The following GRID2 variants were observed in gnomAD, a reference collection of about 807,000 sequenced individuals.
GRID2 encodes the protein glutamate ionotropic receptor delta type subunit 2.
Under a neutral mutation model 114.8 loss-of-function variants are expected in GRID2, and 33 were observed. The ratio of observed to expected loss-of-function variants is 0.29; its 90% CI spans 0.22 to 0.38. The LOEUF (loss-of-function observed/expected upper bound fraction) is 0.38, where lower values mean the gene tolerates loss of function less well. Ranked by LOEUF, GRID2 falls within the 10% of genes least tolerant of loss-of-function variation. The pLI is 1.00. For missense variants in GRID2, 1,184 were observed against 1,257.7 expected, an observed-to-expected ratio of 0.94 and a Z score of 0.89; for synonymous variants, 505 against 449.9, an observed-to-expected ratio of 1.12 and a Z score of -1.55.
In GRID2 at chr4:93,643,960, G is replaced by GCGAGATTC. The variant is rs1721854775; in HGVS notation, c.2360+17528_2360+17535dup. Among the ~76,000 whole-genome samples the GCGAGATTC allele has an allele frequency of 1.9e-5, 2 of 102,872 alleles. 1 individual carries two copies. The highest frequency in any genetic ancestry group is 3.8e-5 in the Non-Finnish European group (2 of 52,256). The allele number at this position is 102,872 out of a possible 152,430, so 67.5% of individuals were successfully genotyped here. A position where few individuals can be genotyped will look rare whatever the true frequency, so the allele number is the denominator to read the frequency against. ...TCTCAGACTGCTGTGCTAGCAATCC[G>GCGAGATTC]CGAGATTCCGTGGGCGTAGGACCCT... On this transcript the variant is annotated intron_variant, in intron 14 of 15. Transcript: ENST00000282020.
intron 2 of GRID2, among the ~76,000 whole-genome samples, chr4:93,042,661 A>G (rs777205531): frequency 7.0e-6 from 1 of 142,196 alleles, no homozygotes; most frequent in African/African-American, 2.6e-5. Context: ...CTATATTTCT[A>G]TCTCTCTCTC....
intron 4 of GRID2, among the ~76,000 whole-genome samples, chr4:93,156,757 T>G (rs768636479): frequency 6.6e-6 from 1 of 151,778 alleles, no homozygotes; most frequent in Non-Finnish European, 1.5e-5. Flanking sequence ...GTTGAATGTA[T>G]GAACTTAGAG....
intron 4 of GRID2, among the ~76,000 whole-genome samples, chr4:93,162,670 A>T (rs1251564985): frequency 1.3e-5 from 2 of 152,124 alleles, no homozygotes; most frequent in African/African-American, 2.4e-5. Context: ...TCTGTTACAT[A>T]CATTTTACAT....
At position 92,320,232 on chromosome 4, in the gene GRID2, T is replaced by G. The variant is rs550278912; in HGVS notation, c.88+15488T>G. On this transcript the variant is annotated intron_variant, in intron 1 of 15. Transcript: ENST00000282020. Reference sequence around the variant, plus strand: ...TGGAGAAAATAAAGATTATTTTTCATAGTGGTCAATTCTATTTTGACCTAA... The same window carrying G: ...TGGAGAAAATAAAGATTATTTTTCAGAGTGGTCAATTCTATTTTGACCTAA... 1.3e-5 allele frequency among the ~76,000 whole-genome samples: 2 copies of G among 152,198 alleles called. 1 individual carries two copies. Among genetic ancestry groups the G allele is most frequent in the Non-Finnish European group, 2.9e-5 (2 of 68,024 alleles).
At chr4:92,970,646 A>G (rs1008461596) in intron 2 of GRID2, among the ~76,000 whole-genome samples, 3 of 151,938 alleles carry the variant, frequency 2.0e-5, no homozygotes, top group African/African-American at 7.2e-5. Context: ...CTTTCGTGTT[A>G]GTCTTTAGAA....
intron 11 of GRID2, among the ~76,000 whole-genome samples, chr4:93,464,671 AT>A (rs1472116564): frequency 7.2e-5 from 11 of 152,188 alleles, no homozygotes; most frequent in African/African-American, 1.2e-4. Flanking sequence ...AGTGAACTAC[AT>A]TTTTATGGCA....
chr4:93,750,312 T>C (rs191925678), intron 14 of GRID2, among the ~76,000 whole-genome samples: 1 of 152,304 alleles, frequency 6.6e-6, no homozygotes, highest in East Asian at 1.9e-4. Context: ...AGAATCCCCT[T>C]GGGAAAGTGC....
intron 8 of GRID2, among the ~76,000 whole-genome samples, chr4:93,326,155 G>T (rs1175908657): frequency 6.6e-6 from 1 of 152,094 alleles, no homozygotes; most frequent in Non-Finnish European, 1.5e-5. Flanking sequence ...AAGCAGTAAA[G>T]AATATAATAA....
chr4:93,216,053 TA>T (rs1310676283), intron 5 of GRID2, among the ~76,000 whole-genome samples: 3 of 152,120 alleles, frequency 2.0e-5, no homozygotes, highest in African/African-American at 7.2e-5. Flanking sequence ...TTTGTTTAGA[TA>T]AAATTAATTT....
chr4:93,502,288 A>G (rs1728186064), intron 12 of GRID2, among the ~76,000 whole-genome samples: 1 of 152,050 alleles, frequency 6.6e-6, no homozygotes, highest in Admixed American at 6.6e-5. Context: ...AAGTGATCCA[A>G]TTCTTCGCTC....
chr4:92,692,768 A>T (rs1334376183), intron 2 of GRID2, among the ~76,000 whole-genome samples: 1 of 152,188 alleles, frequency 6.6e-6, no homozygotes, highest in Non-Finnish European at 1.5e-5. Flanking sequence ...CACACCTGTA[A>T]TCCCAGCACT....
At chr4:93,496,782 A>C (rs907260756) in intron 12 of GRID2, among the ~76,000 whole-genome samples, 1 of 151,830 alleles carries the variant, frequency 6.6e-6, no homozygotes, top group African/African-American at 2.4e-5. Flanking sequence ...TTACTTACTG[A>C]ATGACATTTT....
intron 13 of GRID2, among the ~76,000 whole-genome samples, chr4:93,554,970 G>A (rs1198123310): frequency 6.6e-6 from 1 of 152,256 alleles, no homozygotes; most frequent in East Asian, 1.9e-4. Flanking sequence ...AGCTGAAGCA[G>A]GGTTGGGCAT....
chr4:92,840,131 A>G (rs924461853), intron 2 of GRID2, among the ~76,000 whole-genome samples: 4 of 152,168 alleles, frequency 2.6e-5, no homozygotes, highest in Admixed American at 6.6e-5. Flanking sequence ...CAATATAAGT[A>G]TAGTGACTCC....
At chr4:92,727,847 G>T (rs1475199878) in intron 2 of GRID2, among the ~76,000 whole-genome samples, 1 of 151,970 alleles carries the variant, frequency 6.6e-6, no homozygotes, top group Non-Finnish European at 1.5e-5. Context: ...TTTTATGGAT[G>T]AAAAAAACTG....
At chr4:92,348,167 T>C (rs1250759142) in intron 1 of GRID2, among the ~76,000 whole-genome samples, 1 of 152,160 alleles carries the variant, frequency 6.6e-6, no homozygotes, top group Non-Finnish European at 1.5e-5. Context: ...GGTCTCACTA[T>C]GTTGCTCATG....
intron 1 of GRID2, among the ~76,000 whole-genome samples, chr4:93,789,544 C>T (rs552814946): frequency 6.6e-6 from 1 of 152,322 alleles, no homozygotes; most frequent in East Asian, 1.9e-4. Flanking sequence ...CAAAAAAGTA[C>T]ATTCTTCTAA....
intron 13 of GRID2, among the ~76,000 whole-genome samples, chr4:93,601,769 C>T (rs1179642686): frequency 6.6e-6 from 1 of 151,928 alleles, no homozygotes; most frequent in Admixed American, 6.6e-5. Flanking sequence ...AGAATTTTTT[C>T]CACATTGATG....
At chr4:92,725,504 C>G (rs748372147) in intron 2 of GRID2, among the ~76,000 whole-genome samples, 44 of 152,086 alleles carry the variant, frequency 2.9e-4, no homozygotes, top group Non-Finnish European at 2.5e-4. Context: ...CAGTTAAAAG[C>G]AGAACATCTG....
Sources: gnomAD v4.1 joint callset for allele counts (sites outside exome capture counted in the v4.1 genomes callset) on GRCh38, gnomAD v4.1.1 for gene constraint, MANE v1.5 for transcripts, NCBI Gene and HGNC (gene_info 2026-07-23, HGNC 2026-07-21) for gene names.